Variants in NBEA observed in about 807,000 individuals in gnomAD.
NBEA encodes the protein neurobeachin.
In NBEA, 44 loss-of-function variants were observed where a neutral mutation model predicts 343.4. That is an observed-to-expected ratio of 0.13 (90% CI 0.10 to 0.16). NBEA has a LOEUF of 0.16. NBEA is among the 10% of genes least tolerant of loss of function. NBEA has a pLI of 1.00. For synonymous variants in NBEA, 1,175 were observed against 1,238.7 expected, an observed-to-expected ratio of 0.95 and a Z score of 1.08; for missense variants, 2,555 against 3,631.3, an observed-to-expected ratio of 0.70 and a Z score of 7.62.
intron 45 of NBEA, among the ~76,000 whole-genome samples, chr13:35,569,643 G>A (rs2080302044): frequency 6.6e-6 from 1 of 152,242 alleles, no homozygotes; most frequent in East Asian, 1.9e-4. Context: ...GTGTACAGGA[G>A]TGAATAAAGC....
chr13:35,415,569 C>A (rs1344892596), intron 38 of NBEA, among the ~76,000 whole-genome samples: 1 of 152,048 alleles, frequency 6.6e-6, no homozygotes, highest in Non-Finnish European at 1.5e-5. Flanking sequence ...TTTCCAGGGG[C>A]TCTATTCTGT....
chr13:35,249,504 C>CT (rs1268280342), intron 34 of NBEA, among the ~76,000 whole-genome samples: 1 of 151,472 alleles, frequency 6.6e-6, no homozygotes, highest in Non-Finnish European at 1.5e-5. Context: ...AAGAAGAAAC[C>CT]TTATACCCAT....
At chr13:34,983,006 G>T (rs985458405) in intron 1 of NBEA, among the ~76,000 whole-genome samples, 1 of 152,040 alleles carries the variant, frequency 6.6e-6, no homozygotes, top group African/African-American at 2.4e-5. Context: ...CTCAGGAATT[G>T]ACCTTTGGGT....
chr13:35,446,060 T>C (rs1282376267), intron 39 of NBEA, among the ~76,000 whole-genome samples: 1 of 150,242 alleles, frequency 6.7e-6, no homozygotes, highest in Non-Finnish European at 1.5e-5. Flanking sequence ...AGTGAGAACA[T>C]GTGGTGTTTG....
chr13:35,288,654 G>T lies in NBEA; in HGVS notation c.5777-1735G>T, dbSNP rs868135107. ...TTTTTATAAGTTCATTTTAAAAATTGGTTTCTGAGAAATTAATGCAATTTC... is the reference window on the plus strand; with the variant it reads ...TTTTTATAAGTTCATTTTAAAAATTTGTTTCTGAGAAATTAATGCAATTTC... On this transcript the variant is annotated intron_variant, in intron 34 of 58. Transcript: ENST00000379939. Among the ~76,000 whole-genome samples the T allele has an allele frequency of 5.9e-5, 9 of 151,722 alleles. No individual in the cohort carries two copies. The South Asian group carries it at 1.9e-3, about 31-fold the overall frequency.
chr13:35,589,894 G>T (rs1322221328), intron 46 of NBEA, among the ~76,000 whole-genome samples: 1 of 152,046 alleles, frequency 6.6e-6, no homozygotes, highest in African/African-American at 2.4e-5. Context: ...AAGAAAGTCT[G>T]CCATTGGCCA....
chr13:35,411,013 G>C (rs944082742), intron 38 of NBEA, among the ~76,000 whole-genome samples: 10 of 152,104 alleles, frequency 6.6e-5, no homozygotes, highest in African/African-American at 1.9e-4. Context: ...ATAATGCCTT[G>C]AGCATCCCAC....
At chr13:35,072,717 A>C (rs1316503165) in intron 10 of NBEA, among the ~76,000 whole-genome samples, 6 of 151,998 alleles carry the variant, frequency 3.9e-5, no homozygotes, top group Non-Finnish European at 7.4e-5. Context: ...ACCTGCCACC[A>C]TGCCCAGCTA....
At chr13:35,240,221 AG>A (rs1345042267) in intron 34 of NBEA, among the ~76,000 whole-genome samples, 2 of 151,904 alleles carry the variant, frequency 1.3e-5, no homozygotes, top group Non-Finnish European at 2.9e-5. Flanking sequence ...AAAAGAATAA[AG>A]TATTTCTTAT....
At chr13:35,157,339 A>C (rs1331680852) in intron 21 of NBEA, 69 bp downstream of exon 21, 21 of 1,141,192 alleles carry the variant, frequency 1.8e-5, no homozygotes, top group Non-Finnish European at 2.4e-5. Flanking sequence ...ACAAACATGC[A>C]TCTGGTGCCA....
At chr13:34,946,172 G>T (rs569385253) in intron 1 of NBEA, among the ~76,000 whole-genome samples, 1 of 152,224 alleles carries the variant, frequency 6.6e-6, no homozygotes, top group South Asian at 2.1e-4. Flanking sequence ...TTGCATTGTA[G>T]CTCTACTAAT....
At chr13:35,200,873 A>G (rs766415571) in intron 31 of NBEA, among the ~76,000 whole-genome samples, 4 of 151,956 alleles carry the variant, frequency 2.6e-5, no homozygotes, top group Admixed American at 1.3e-4. Flanking sequence ...AGTGGTAAGG[A>G]TGAAATTTCA....
At chr13:35,077,436 T>C (rs948694069) in intron 10 of NBEA, among the ~76,000 whole-genome samples, 8 of 152,144 alleles carry the variant, frequency 5.3e-5, no homozygotes, top group Non-Finnish European at 1.2e-4. Flanking sequence ...TCTCTTAAAT[T>C]AGAACCCCAA....
At chr13:35,402,660 A>T (rs538058093) in intron 38 of NBEA, among the ~76,000 whole-genome samples, 2 of 152,278 alleles carry the variant, frequency 1.3e-5, no homozygotes, top group Non-Finnish European at 1.5e-5. Flanking sequence ...TAAAACTAAC[A>T]AGTACACTTT....
chr13:35,053,395 TC>T (rs1334973585), intron 6 of NBEA, among the ~76,000 whole-genome samples: 8 of 152,122 alleles, frequency 5.3e-5, no homozygotes, highest in African/African-American at 1.9e-4. Flanking sequence ...ACTGAACAGT[TC>T]CTTTTCATCC....
At chr13:35,023,177 A>G (rs1308243248) in intron 1 of NBEA, among the ~76,000 whole-genome samples, 1 of 152,154 alleles carries the variant, frequency 6.6e-6, no homozygotes, top group Non-Finnish European at 1.5e-5. Flanking sequence ...AAAGGATAAT[A>G]TGGTGGCTTA....
At chr13:35,421,324 G>A (rs2044258425) in intron 38 of NBEA, among the ~76,000 whole-genome samples, 1 of 151,804 alleles carries the variant, frequency 6.6e-6, no homozygotes. Flanking sequence ...ATGTTTCTTA[G>A]TATATCCCTT....
At chr13:35,531,067 C>G (rs2078240328) in intron 41 of NBEA, among the ~76,000 whole-genome samples, 1 of 152,086 alleles carries the variant, frequency 6.6e-6, no homozygotes, top group African/African-American at 2.4e-5. Flanking sequence ...GCTTCTTTGT[C>G]AATGATAGGG....
In NBEA at chr13:35,654,951, G is replaced by A. The variant is rs775548045; in HGVS notation, c.8132G>A (p.Arg2711His). 6 of 1,582,998 alleles carry A rather than the reference G, an allele frequency of 3.8e-6. No homozygotes were observed. The highest frequency in any genetic ancestry group is 1.9e-5 in the Admixed American group (1 of 52,982). Reference protein sequence around the residue: ...AHCFVVTADNRYILICGFWDK... With the variant: ...AHCFVVTADNHYILICGFWDK... ...TGTTTTGTGGTAACAGCAGATAATC[G>A]CTATATTCTTATCTGTGGATTCTGG... is the stretch of plus-strand genomic sequence containing the variant. Residue 2711 changes from arginine (R) to histidine (H), a missense_variant, in exon 54 of 59, where the codon CGC becomes CAC. Arg to His is a conservative substitution (Grantham distance 29). Transcript: ENST00000379939.
Sources: gnomAD v4.1 joint callset for allele counts (sites outside exome capture counted in the v4.1 genomes callset) on GRCh38, gnomAD v4.1.1 for gene constraint, MANE v1.5 for transcripts, NCBI Gene and HGNC (gene_info 2026-07-23, HGNC 2026-07-21) for gene names.